The following TFAP2A variants were observed in gnomAD, a reference collection of about 807,000 sequenced individuals.
The protein encoded by TFAP2A is transcription factor AP-2-alpha.
Under a neutral mutation model 41.5 loss-of-function variants are expected in TFAP2A, and 7 were observed. The observed-to-expected ratio is 0.17, with a 90% confidence interval of 0.10 to 0.32. TFAP2A has a LOEUF of 0.32. TFAP2A is among the 10% of genes least tolerant of loss of function. TFAP2A has a pLI of 1.00. For missense variants in TFAP2A, 416 were observed against 563.3 expected (o/e 0.74, Z 2.65); for synonymous variants, 247 against 242.8 (o/e 1.02, Z -0.16).
chr6:10,414,130 G>C (rs1284879364), intron 1 of TFAP2A, among the ~76,000 whole-genome samples: 1 of 152,236 alleles, frequency 6.6e-6, no homozygotes, highest in Non-Finnish European at 1.5e-5. Flanking sequence ...CACCAGAGGT[G>C]GTCTGCAGCC....
chr6:10,404,244 C>T (rs889569557), intron 4 of TFAP2A, among the ~76,000 whole-genome samples: 2 of 152,234 alleles, frequency 1.3e-5, no homozygotes, highest in Non-Finnish European at 1.5e-5. Context: ...GAGGACTCCG[C>T]GAGCGCGCGG....
chr6:10,405,007 C>T (rs1757643372), intron 3 of TFAP2A: 1 of 553,466 alleles, frequency 1.8e-6, no homozygotes, highest in South Asian at 2.1e-5. Context: ...TCCCCTTCGC[C>T]GTCAAGGGTG....
At position 10,415,044 on chromosome 6, in the gene TFAP2A, C is replaced by T. The variant is rs1435330444; in HGVS notation, c.-53G>A. 1.2e-6 allele frequency: 2 copies of T among 1,614,016 alleles called. No individual in the cohort carries two copies. Among genetic ancestry groups the T allele is most frequent in the African/African-American group, 2.7e-5 (2 of 75,004 alleles). ...TCGGTCTCGCACCCAAGTGGAGCTA[C>T]TCTCTGGGTGAGCGCAAAGTGCTGG... is the stretch of plus-strand genomic sequence containing the variant. On this transcript the variant is annotated 5_prime_UTR_variant, in exon 1 of 7. Transcript: ENST00000379613.
rs958302076 is a variant in TFAP2A, at chr6:10,412,343, G to T, written c.52-2008C>A. 14 of 957,664 alleles carry T rather than the reference G, an allele frequency of 1.5e-5. No individual in the cohort carries two copies. The African/African-American group carries it at 2.0e-4, about 13-fold the overall frequency. The allele number at this position is 957,664 out of a possible 1,614,324, so 59.3% of individuals were successfully genotyped here. A position where few individuals can be genotyped will look rare whatever the true frequency, so the allele number is the denominator to read the frequency against. ...GCAGAGAGGGAGACCGAAGGAGAGA[G>T]CGCAGAGAGGGAGAATGTGTCTGCG... On this transcript the variant is annotated intron_variant, in intron 1 of 6. Coordinates refer to ENST00000379613, the MANE Select transcript of TFAP2A (RefSeq NM_001372066.1).
chr6:10,415,451 C>A (rs1262743773), upstream of TFAP2A: 2 of 284,960 alleles, frequency 7.0e-6, no homozygotes, highest in South Asian at 9.5e-5. Context: ...ATAAAACCTT[C>A]CTCGAGCTCC....
intron 3 of TFAP2A, 80 bp from the exon 4 acceptor site, chr6:10,404,819 G>A: frequency 1.5e-6 from 2 of 1,314,598 alleles, no homozygotes; most frequent in Non-Finnish European, 2.2e-6. Context: ...CCTCATCCCG[G>A]CCAGGGCCGG....
In TFAP2A at chr6:10,398,135, G is replaced by A; in HGVS notation, c.*282C>T. Reference sequence around the variant, plus strand: ...CAGAACTTTTCTCTGCTGGCTTCACGGCCTGTTCTGTTCTCTTAGGCTCCA... The same window carrying A: ...CAGAACTTTTCTCTGCTGGCTTCACAGCCTGTTCTGTTCTCTTAGGCTCCA... On this transcript the variant is annotated 3_prime_UTR_variant, in exon 7 of 7. Transcript: ENST00000379613. The surrounding 1 kb of genome is among the most constrained non-coding windows in gnomAD (Gnocchi z 5.3). The A allele has an allele frequency of 7.2e-7, 1 of 1,383,286 alleles. No homozygotes were observed. Among genetic ancestry groups the A allele is most frequent in the Non-Finnish European group, 9.4e-7 (1 of 1,068,446 alleles). The allele number at this position is 1,383,286 out of a possible 1,614,324, so 85.7% of individuals were successfully genotyped here. A position where few individuals can be genotyped will look rare whatever the true frequency, so the allele number is the denominator to read the frequency against.
chr6:10,404,484 G>T (rs554069233), intron 4 of TFAP2A, 24 bp downstream of exon 4: 1 of 1,512,932 alleles, frequency 6.6e-7, no homozygotes, highest in East Asian at 2.6e-5. Context: ...GGGGCGGGGC[G>T]GGCGGGGCCG....
At chr6:10,410,449 T>G in intron 1 of TFAP2A, 114 bp from the exon 2 acceptor site, 1 of 1,062,672 alleles carries the variant, frequency 9.4e-7, no homozygotes. Flanking sequence ...TCCCGTTGGC[T>G]GGCCGCCGGG....
chr6:10,414,464 AGAAT>A (rs3834293), intron 1 of TFAP2A: 4,931 of 266,500 alleles, frequency 0.019, 60 homozygotes, highest in African/African-American at 0.041. Context: ...GGGGGAAGAA[AGAAT>A]GAATGAATGA....
Position 10,397,660 on chromosome 6 carries a change from TA to T in TFAP2A, c.*756del, listed in dbSNP as rs61569279. ...CAAGAGGTAAACAAGATCAGATAAA[TA>T]AAAAAAAAAAGGCTTAAAACAGACT... On this transcript the variant is annotated 3_prime_UTR_variant, in exon 7 of 7. Coordinates refer to ENST00000379613, the MANE Select transcript of TFAP2A (RefSeq NM_001372066.1). 7.4e-3 allele frequency: 1,192 copies of T among 161,844 alleles called. No homozygotes were observed. The highest frequency in any genetic ancestry group is 0.022 in the Middle Eastern group (7 of 316). The allele number at this position is 161,844 out of a possible 1,614,324, so 10.0% of individuals were successfully genotyped here. A position where few individuals can be genotyped will look rare whatever the true frequency, so the allele number is the denominator to read the frequency against.
At chr6:10,411,454 G>C (rs918384059) in intron 1 of TFAP2A, 1 of 1,577,662 alleles carries the variant, frequency 6.3e-7, no homozygotes, top group Non-Finnish European at 8.7e-7. Flanking sequence ...CAAATGGAGA[G>C]GGTGTCCTGA....
intron 2 of TFAP2A, chr6:10,407,084 G>A (rs1016252550): frequency 1.2e-5 from 7 of 564,500 alleles, no homozygotes; most frequent in Non-Finnish European, 2.2e-5. Context: ...ATGTTTAAAA[G>A]GGGTGGAGAT....
chr6:10,417,486 G>A (rs1351568377), upstream of TFAP2A, among the ~76,000 whole-genome samples: 1 of 152,244 alleles, frequency 6.6e-6, no homozygotes, highest in Non-Finnish European at 1.5e-5. Context: ...TCATTACCAC[G>A]CTAAGTCGCT....
At chr6:10,412,676 C>A in intron 1 of TFAP2A, 1 of 342,742 alleles carries the variant, frequency 2.9e-6, no homozygotes, top group Non-Finnish European at 6.0e-6. Flanking sequence ...GTGGGGCTCT[C>A]GGCGCGGCAG....
In TFAP2A at chr6:10,398,358, G is replaced by C; in HGVS notation, c.*59C>G. On this transcript the variant is annotated 3_prime_UTR_variant, in exon 7 of 7. Transcript: ENST00000379613. This position sits in a 1 kb window ranked among gnomAD's most constrained non-coding sequence, Gnocchi z 5.3. ...GCTGATCCCGGAGCTGTCACCCGCCGGAGGGTGGGCGCGCGGGGGGCTGGT... is the reference window on the plus strand; with the variant it reads ...GCTGATCCCGGAGCTGTCACCCGCCCGAGGGTGGGCGCGCGGGGGGCTGGT... The C allele has an allele frequency of 6.2e-7, 1 of 1,609,974 alleles. No homozygotes were observed. Among genetic ancestry groups the C allele is most frequent in the Non-Finnish European group, 8.5e-7 (1 of 1,178,736 alleles).
At chr6:10,419,026 C>T (rs1249873517), upstream of TFAP2A, among the ~76,000 whole-genome samples, 3 of 152,168 alleles carry the variant, frequency 2.0e-5, no homozygotes, top group Non-Finnish European at 4.4e-5. Context: ...AAACCTTCAC[C>T]GCCGCGCACC....
intron 1 of TFAP2A, chr6:10,411,882 A>C: frequency 7.6e-7 from 1 of 1,312,746 alleles, no homozygotes; most frequent in Non-Finnish European, 9.8e-7. Flanking sequence ...GAAAAACCCC[A>C]AAAAAGGAAA....
rs544347201 is a variant in TFAP2A at position 10,398,802 on chromosome 6, C to T, written c.1032-97G>A. The T allele has an allele frequency of 4.6e-4, 663 of 1,428,908 alleles. 5 individuals carry two copies. In the South Asian group the frequency reaches 7.8e-3, roughly 17 times the overall value. 88.5% of individuals were successfully genotyped at this position (1,428,908 alleles called of 1,614,324 possible). On this transcript the variant is annotated intron_variant, in intron 6 of 6. Coordinates refer to ENST00000379613, the MANE Select transcript of TFAP2A (RefSeq NM_001372066.1). The surrounding 1 kb of genome is among the most constrained non-coding windows in gnomAD (Gnocchi z 5.3). Reference sequence around the variant, plus strand: ...CCTCCCTCCCTGCAGCTACCTCTGCCGGGATCCAGCCGGTACCTGACATGA... The same window carrying T: ...CCTCCCTCCCTGCAGCTACCTCTGCTGGGATCCAGCCGGTACCTGACATGA...
Sources: gnomAD v4.1 joint callset for allele counts (sites outside exome capture counted in the v4.1 genomes callset) on GRCh38, gnomAD v4.1.1 for gene constraint, Gnocchi (gnomAD v3.1) non-coding constraint, MANE v1.5 for transcripts, NCBI Gene and HGNC (gene_info 2026-07-23, HGNC 2026-07-21) for gene names.